The following TRAM1 variants were observed in gnomAD, a reference collection of about 807,000 sequenced individuals.
TRAM1 encodes the protein translocation associated membrane protein 1.
TRAM1 carries 17 observed loss-of-function variants against 48.7 expected under a neutral mutation model. The ratio of observed to expected loss-of-function variants is 0.35; its 90% CI spans 0.24 to 0.52. TRAM1 has a LOEUF of 0.52. Ranked by LOEUF, TRAM1 falls within the 20% of genes least tolerant of loss-of-function variation. The pLI, the probability that TRAM1 is intolerant of heterozygous loss-of-function variation, is 0.94. For missense variants in TRAM1, 351 were observed against 441.5 expected, an observed-to-expected ratio of 0.79 and a Z score of 1.84; for synonymous variants, 182 against 154.0, an observed-to-expected ratio of 1.18 and a Z score of -1.34.
At chr8:70,593,203 T>G (rs951543858) in intron 6 of TRAM1, among the ~76,000 whole-genome samples, 10 of 152,176 alleles carry the variant, frequency 6.6e-5, no homozygotes, top group Non-Finnish European at 1.5e-4. Flanking sequence ...TGCTGTTTTC[T>G]AATCCTAGCA....
intron 6 of TRAM1, among the ~76,000 whole-genome samples, chr8:70,593,528 C>T (rs557249570): frequency 1.3e-5 from 2 of 151,630 alleles, no homozygotes; most frequent in East Asian, 1.9e-4. Flanking sequence ...ATCTATATCC[C>T]TCTTCACTTT....
rs1335089901 is a variant in TRAM1, at chr8:70,585,045, G to A, written c.747-1252C>T. ...CTTCAAACTATACTACAAGGCCACA[G>A]TAACCAAAACAGCATGGTACTGGTA... is the stretch of plus-strand genomic sequence containing the variant. On this transcript the variant is annotated intron_variant, in intron 8 of 10. Coordinates refer to ENST00000262213, the MANE Select transcript of TRAM1 (RefSeq NM_014294.6). 5.3e-5 allele frequency among the ~76,000 whole-genome samples: 8 copies of A among 152,274 alleles called. No homozygotes were observed. The East Asian group carries it at 7.7e-4, about 15-fold the overall frequency.
In TRAM1 at chr8:70,598,024, AC is replaced by A; in HGVS notation, c.310-14del. 1 of 1,565,326 alleles carries A rather than the reference AC, an allele frequency of 6.4e-7. No homozygotes were observed. Among genetic ancestry groups the A allele is most frequent in the Non-Finnish European group, 8.7e-7 (1 of 1,153,250 alleles). Reference sequence around the variant, plus strand: ...GCCTGTTAATTTTCTAAAAATAAAAACAGCCATTAGTAATTAAGAATAAATT... The same window carrying A: ...GCCTGTTAATTTTCTAAAAATAAAAAAGCCATTAGTAATTAAGAATAAATT... On this transcript the variant is annotated splice_polypyrimidine_tract_variant and intron_variant, in intron 3 of 10. Transcript: ENST00000262213.
intron 5 of TRAM1, among the ~76,000 whole-genome samples, chr8:70,595,132 A>G (rs1481148020): frequency 6.6e-6 from 1 of 151,908 alleles, no homozygotes; most frequent in Admixed American, 6.6e-5. Context: ...AGGATTAAAG[A>G]CAGTCAGAAT....
chr8:70,575,508 TC>T (rs1816927855), intron 10 of TRAM1, among the ~76,000 whole-genome samples: 2 of 151,978 alleles, frequency 1.3e-5, no homozygotes, highest in African/African-American at 4.8e-5. Context: ...AGTCTTGAAC[TC>T]CCGGGGACCA....
rs571558991 is a variant in TRAM1, at chr8:70,602,721, C to A, written c.124-2639G>T. 2.2e-4 allele frequency among the ~76,000 whole-genome samples: 34 copies of A among 152,274 alleles called. No homozygotes were observed. The South Asian group carries it at 6.6e-3, about 30-fold the overall frequency. ...GGATGCGAATGTCTGAGGTTAGAAA[C>A]CTTTGATTTGCAATATTATCTACTA... On this transcript the variant is annotated intron_variant, in intron 1 of 10. Coordinates refer to ENST00000262213, the MANE Select transcript of TRAM1 (RefSeq NM_014294.6).
chr8:70,606,602 T>C lies in TRAM1; in HGVS notation c.123+1475A>G, dbSNP rs918197029. 2.6e-5 allele frequency among the ~76,000 whole-genome samples: 4 copies of C among 152,002 alleles called. No individual in the cohort carries two copies. The East Asian group carries it at 5.8e-4, about 22-fold the overall frequency. ...TATTTCCTGATAAAGAGCAGAAAAA[T>C]TGAGGCTCAGACTTGGGTCACCCAG... On this transcript the variant is annotated intron_variant, in intron 1 of 10. Transcript: ENST00000262213.
chr8:70,603,281 T>C (rs1263354771), intron 1 of TRAM1, among the ~76,000 whole-genome samples: 1 of 145,340 alleles, frequency 6.9e-6, no homozygotes, highest in Non-Finnish European at 1.5e-5. Flanking sequence ...TATCTATATA[T>C]ACACACTATA....
chr8:70,577,012 TTC>T (rs1364072178), intron 10 of TRAM1, among the ~76,000 whole-genome samples: 2 of 152,162 alleles, frequency 1.3e-5, no homozygotes, highest in African/African-American at 4.8e-5. Context: ...CTGGGGGCTT[TTC>T]TCTCTTTCTT....
At chr8:70,576,540 A>G (rs914922816) in intron 10 of TRAM1, among the ~76,000 whole-genome samples, 3 of 152,272 alleles carry the variant, frequency 2.0e-5, no homozygotes, top group Admixed American at 6.5e-5. Context: ...AAGAGAAACG[A>G]CTAAGAAACA....
rs148009579 is a variant in TRAM1, at chr8:70,580,388, G to A, written c.1051+2776C>T. On this transcript the variant is annotated intron_variant, in intron 10 of 10. Transcript: ENST00000262213. ...GTGAAATTTATCCCAGGAATGCAACGTTGGTTTAACATCTGAAAATCAATC... is the reference window on the plus strand; with the variant it reads ...GTGAAATTTATCCCAGGAATGCAACATTGGTTTAACATCTGAAAATCAATC... Among the ~76,000 whole-genome samples the A allele has an allele frequency of 5.5e-3, 837 of 152,170 alleles. 10 individuals carry two copies. Among genetic ancestry groups the A allele is most frequent in the African/African-American group, 0.019 (787 of 41,504 alleles).
chr8:70,593,813 T>C (rs1817422064), intron 6 of TRAM1, among the ~76,000 whole-genome samples: 1 of 151,946 alleles, frequency 6.6e-6, no homozygotes, highest in Non-Finnish European at 1.5e-5. Context: ...TGAGCAGCAT[T>C]ACTCTAGTTT....
Position 70,573,774 on chromosome 8 carries a change from A to G in TRAM1, c.*1158T>C, listed in dbSNP as rs996956295. The G allele has an allele frequency of 1.3e-5, 2 of 152,584 alleles. No individual in the cohort carries two copies. The highest frequency in any genetic ancestry group is 2.4e-5 in the African/African-American group (1 of 41,586). The allele number at this position is 152,584 out of a possible 1,614,324, so 9.5% of individuals were successfully genotyped here. A position where few individuals can be genotyped will look rare whatever the true frequency, so the allele number is the denominator to read the frequency against. ...TATGATGAATAAACCAAATGTAGCT[A>G]TAAGAATCTTAAAGGATGATTATAG... On this transcript the variant is annotated 3_prime_UTR_variant, in exon 11 of 11. Transcript: ENST00000262213.
chr8:70,588,821 A>G (rs1817285327), intron 6 of TRAM1, among the ~76,000 whole-genome samples: 1 of 152,208 alleles, frequency 6.6e-6, no homozygotes, highest in African/African-American at 2.4e-5. Context: ...TTGTTGTAGC[A>G]GTTTTCTTCG....
At chr8:70,597,859 A>G (rs553730729) in intron 4 of TRAM1, 36 bp downstream of exon 4, 2 of 1,436,172 alleles carry the variant, frequency 1.4e-6, no homozygotes, top group African/African-American at 2.8e-5. Context: ...ATCTTAGATA[A>G]GGAAGGAGAA....
chr8:70,596,287 C>A lies in TRAM1; in HGVS notation c.461G>T (p.Arg154Met). Residue 154 changes from arginine (R) to methionine (M), a missense_variant, in exon 5 of 11, where the codon AGG becomes ATG. Coordinates refer to ENST00000262213, the MANE Select transcript of TRAM1 (RefSeq NM_014294.6). Reference protein sequence around the residue: ...NYISDPTILWRAYPHNLMTFQ... With the variant: ...NYISDPTILWMAYPHNLMTFQ... ...CGTCATCAGGTTATGGGGATAAGCC[C>A]TCCATAAGATAGTTGGGTCTGAGAT... 1 of 1,599,704 alleles carries A rather than the reference C, an allele frequency of 6.3e-7. No individual in the cohort carries two copies. Among genetic ancestry groups the A allele is most frequent in the South Asian group, 1.1e-5 (1 of 88,306 alleles).
At chr8:70,596,766 C>T (rs1180801003) in intron 4 of TRAM1, among the ~76,000 whole-genome samples, 1 of 150,118 alleles carries the variant, frequency 6.7e-6, no homozygotes, top group Admixed American at 6.6e-5. Context: ...AAAATACTGC[C>T]CCAATTTTTT....
intron 10 of TRAM1, 79 bp downstream of exon 10, chr8:70,583,085 C>T: frequency 6.7e-7 from 1 of 1,483,414 alleles, no homozygotes; most frequent in East Asian, 2.3e-5. Context: ...CACCTTAAAA[C>T]TAATAAATAA....
At chr8:70,583,966 T>C (rs960731470) in intron 8 of TRAM1, among the ~76,000 whole-genome samples, 173 bp from the exon 9 acceptor site, 1 of 152,058 alleles carries the variant, frequency 6.6e-6, no homozygotes, top group Non-Finnish European at 1.5e-5. Flanking sequence ...TGAGCAGAGA[T>C]TGCGCCACTG....
Sources: gnomAD v4.1 joint callset for allele counts (sites outside exome capture counted in the v4.1 genomes callset) on GRCh38, gnomAD v4.1.1 for gene constraint, MANE v1.5 for transcripts, NCBI Gene and HGNC (gene_info 2026-07-23, HGNC 2026-07-21) for gene names.